Variants in NTRK1 observed in about 807,000 individuals in gnomAD.
The protein encoded by NTRK1 is high affinity nerve growth factor receptor.
Under a neutral mutation model 86.8 loss-of-function variants are expected in NTRK1, and 62 were observed. That is an observed-to-expected ratio of 0.71 (90% CI 0.58 to 0.88). The LOEUF (loss-of-function observed/expected upper bound fraction) is 0.88. Ranked by LOEUF, NTRK1 falls within the 40% of genes least tolerant of loss-of-function variation. The probability of loss-of-function intolerance (pLI) is 0.00; values close to 1 mark genes in which losing one functional copy is unlikely to be tolerated. For missense variants in NTRK1, 967 were observed against 1,078.4 expected, an observed-to-expected ratio of 0.90 and a Z score of 1.45; for synonymous variants, 469 against 456.6, an observed-to-expected ratio of 1.03 and a Z score of -0.35.
chr1:156,848,822 T>C, intron 2 of NTRK1: 1 of 1,432,042 alleles, frequency 7.0e-7, no homozygotes, highest in Non-Finnish European at 9.4e-7. Flanking sequence ...TCCTGGGTCT[T>C]CATAGCCTCG....
intron 6 of NTRK1, among the ~76,000 whole-genome samples, chr1:156,870,723 A>T (rs763591370): frequency 3.9e-5 from 6 of 152,236 alleles, no homozygotes; most frequent in Non-Finnish European, 5.9e-5. Flanking sequence ...CCACCACTTC[A>T]TTATTTTCAT....
Position 156,842,195 on chromosome 1 carries a change from T to C in NTRK1, c.50+2T>C, listed in dbSNP as rs201633542. 1.9e-6 allele frequency: 3 copies of C among 1,614,044 alleles called. No homozygotes were observed. Among genetic ancestry groups the C allele is most frequent in the Admixed American group, 3.3e-5 (2 of 60,002 alleles). On this transcript the variant is annotated splice_donor_variant, in intron 2 of 16. Transcript: ENST00000392302. LOFTEE classifies it high-confidence loss of function. ...GTGCACAAACTTGTTGGCAGCAAGG[T>C]AGGCCATGCCGTCTGCAATCTCACC...
intron 2 of NTRK1, chr1:156,843,345 A>C (rs1654872033): frequency 5.7e-6 from 9 of 1,572,360 alleles, no homozygotes; most frequent in Non-Finnish European, 7.0e-6. Flanking sequence ...TATCTTCTGC[A>C]AGAAGGTCTT....
Position 156,874,394 on chromosome 1 carries a change from C to A in NTRK1, c.1189C>A (p.Pro397Thr), listed in dbSNP as rs767630555. 1.3e-5 allele frequency: 21 copies of A among 1,613,988 alleles called. No individual in the cohort carries two copies. In the East Asian group the frequency reaches 4.2e-4, roughly 33 times the overall value. Residue 397 changes from proline to threonine, a missense_variant, in exon 9 of 17, where the codon CCG becomes ACG. Around this residue, in one of 2 missense-constraint regions of NTRK1, gnomAD observed 637 missense variants for 776.5 expected, o/e 0.82. Transcript: ENST00000524377. ...CCCTCCTGCTGCAGTCTCCTTCTCG[C>A]CGGTGGGTGAGTAGCCCAAGGTGGA... is the stretch of plus-strand genomic sequence containing the variant. ...PEDPIPVSFSPVDTNSTSGDP... is the reference protein window; with the variant it reads ...PEDPIPVSFSTVDTNSTSGDP...
intron 2 of NTRK1, chr1:156,846,604 C>G (rs766081248): frequency 5.6e-6 from 9 of 1,614,056 alleles, no homozygotes; most frequent in Non-Finnish European, 7.6e-6. Flanking sequence ...TGATGGCCCG[C>G]ACAAACACTG....
rs756152383 is a variant in NTRK1, at chr1:156,846,639, A to G, written c.50+4446A>G. On this transcript the variant is annotated intron_variant, in intron 2 of 16. Transcript: ENST00000392302. Reference sequence around the variant, plus strand: ...GCGTACTGTGTCCAAGGCTTGAGGGAGGCTAGGGTCACCCCTGGCTCCTGG... The same window carrying G: ...GCGTACTGTGTCCAAGGCTTGAGGGGGGCTAGGGTCACCCCTGGCTCCTGG... 1.2e-5 allele frequency: 20 copies of G among 1,613,980 alleles called. 2 individuals are homozygous for G. In the South Asian group the frequency reaches 2.1e-4, roughly 17 times the overall value.
rs535280708 is a variant in NTRK1, at chr1:156,843,387, C to T, written c.50+1194C>T. The stretch of plus-strand genomic sequence containing the variant: ...GTCTGTCTCTGCTCCTCTCCTGTCT[C>T]CCTTTCCCACACCACCTGTCCACCC... On this transcript the variant is annotated intron_variant, in intron 2 of 16. Transcript: ENST00000392302. The T allele has an allele frequency of 2.4e-5, 39 of 1,606,762 alleles. No homozygotes were observed. The South Asian group carries it at 4.1e-4, about 17-fold the overall frequency.
At chr1:156,843,028 C>T in intron 2 of NTRK1, 1 of 1,613,928 alleles carries the variant, frequency 6.2e-7, no homozygotes, top group Non-Finnish European at 8.5e-7. Context: ...TGAAGGCTTT[C>T]ATGACAGAAG....
intron 1 of NTRK1, among the ~76,000 whole-genome samples, chr1:156,828,546 G>A (rs1397115348): frequency 6.6e-6 from 1 of 152,252 alleles, no homozygotes; most frequent in African/African-American, 2.4e-5. Context: ...TTCTCCTCAC[G>A]CGCAGTCGCG....
At chr1:156,849,681 C>T (rs1655136372) in intron 2 of NTRK1, among the ~76,000 whole-genome samples, 1 of 152,140 alleles carries the variant, frequency 6.6e-6, no homozygotes, top group African/African-American at 2.4e-5. Flanking sequence ...TTTGGTTTTC[C>T]TCATCAGTGA....
At chr1:156,819,824 GT>G (rs1004665164) in intron 1 of NTRK1, among the ~76,000 whole-genome samples, 24 of 152,172 alleles carry the variant, frequency 1.6e-4, no homozygotes, top group African/African-American at 5.5e-4. Flanking sequence ...TGGCCTATTT[GT>G]TTTTTTCTTC....
At position 156,874,941 on chromosome 1, in the gene NTRK1, C is replaced by A. The variant is rs1647805941; in HGVS notation, c.1287C>A (p.Cys429Ter). Residue 429 changes from cysteine (C) to a stop codon, truncating the protein, a stop_gained, in exon 11 of 17, where the codon TGC becomes TGA. Transcript: ENST00000524377. LOFTEE classifies it high-confidence loss of function. Reference protein sequence around the residue: ...SVAVGLAVFACLFLSTLLLVL... With the variant: ...SVAVGLAVFA ...CTGTGGGCCTGGCCGTCTTTGCCTG[C>A]CTCTTCCTTTCTACGCTGCTCCTTG... The A allele has an allele frequency of 6.2e-7, 1 of 1,613,908 alleles. No homozygotes were observed. The highest frequency in any genetic ancestry group is 8.5e-7 in the Non-Finnish European group (1 of 1,179,924).
At chr1:156,844,804 G>C (rs1273418247) in intron 2 of NTRK1, 1 of 1,614,156 alleles carries the variant, frequency 6.2e-7, no homozygotes, top group Admixed American at 1.7e-5. Flanking sequence ...CTTGCTGGAG[G>C]CCTCCCAGGC....
At chr1:156,821,048 G>A (rs1250072791) in intron 1 of NTRK1, among the ~76,000 whole-genome samples, 1 of 152,046 alleles carries the variant, frequency 6.6e-6, no homozygotes, top group African/African-American at 2.4e-5. Flanking sequence ...TAACCTTCTT[G>A]GTTAAATATA....
intron 15 of NTRK1, among the ~76,000 whole-genome samples, chr1:156,879,793 T>G (rs1248899206): frequency 6.6e-6 from 1 of 151,992 alleles, no homozygotes; most frequent in Non-Finnish European, 1.5e-5. Context: ...GTATTTTTAG[T>G]AGAGATGGGG....
chr1:156,870,351 C>T (rs187496247), intron 6 of NTRK1, among the ~76,000 whole-genome samples: 7 of 152,224 alleles, frequency 4.6e-5, no homozygotes. Context: ...AGTTTGAGAC[C>T]AGCCTGGGCA....
chr1:156,846,164 C>A lies in NTRK1; in HGVS notation c.50+3971C>A, dbSNP rs374332769. On this transcript the variant is annotated intron_variant, in intron 2 of 16. Coordinates refer to the NTRK1 transcript ENST00000392302. Reference sequence around the variant, plus strand: ...GCAACTCAGGGGTGTGGGTCTTCCTCCTGAATACTATCTAGTAATGAGCCC... The same window carrying A: ...GCAACTCAGGGGTGTGGGTCTTCCTACTGAATACTATCTAGTAATGAGCCC... 2.0e-6 allele frequency: 3 copies of A among 1,524,340 alleles called. No individual in the cohort carries two copies. The African/African-American group carries it at 4.1e-5, about 21-fold the overall frequency. The allele number at this position is 1,524,340 out of a possible 1,614,324, so 94.4% of individuals were successfully genotyped here.
intron 6 of NTRK1, among the ~76,000 whole-genome samples, chr1:156,870,064 A>G (rs917507582): frequency 6.6e-6 from 1 of 152,234 alleles, no homozygotes; most frequent in Non-Finnish European, 1.5e-5. Flanking sequence ...CTAGCCACTG[A>G]GCAGTTCCTC....
At chr1:156,875,339 C>T (rs1202497102) in intron 11 of NTRK1, among the ~76,000 whole-genome samples, 181 bp from the exon 12 acceptor site, 1 of 151,984 alleles carries the variant, frequency 6.6e-6, no homozygotes, top group Non-Finnish European at 1.5e-5. Context: ...AGGGGTGGGA[C>T]AGGAGCCAGC....
Sources: gnomAD v4.1 joint callset for allele counts (sites outside exome capture counted in the v4.1 genomes callset) on GRCh38, gnomAD v4.1.1 for gene constraint, gnomAD v4.1.1 regional missense constraint, MANE v1.5 for transcripts, NCBI Gene and HGNC (gene_info 2026-07-23, HGNC 2026-07-21) for gene names.